Variants in SCUBE1 observed in about 807,000 individuals in gnomAD.
SCUBE1 encodes signal peptide, CUB domain and EGF like domain containing 1.
SCUBE1 carries 59 observed loss-of-function variants against 124.4 expected under a neutral mutation model. The observed-to-expected ratio is 0.47, with a 90% CI of 0.38 to 0.59. SCUBE1 has a LOEUF of 0.59. Among genes scored for constraint, SCUBE1 ranks in the 20% least tolerant of loss-of-function variants. The probability of loss-of-function intolerance (pLI) is 0.00; values close to 1 mark genes in which losing one functional copy is unlikely to be tolerated. For missense variants in SCUBE1, 1,150 were observed against 1,371.2 expected (o/e 0.84, Z 2.55); for synonymous variants, 545 against 550.9 (o/e 0.99, Z 0.15).
Position 43,339,208 on chromosome 22 carries a change from T to A in SCUBE1, c.116A>T (p.Glu39Val). 1 of 1,613,718 alleles carries A rather than the reference T, an allele frequency of 6.2e-7. No homozygotes were observed. Among genetic ancestry groups the A allele is most frequent in the Non-Finnish European group, 8.5e-7 (1 of 1,179,736 alleles). Residue 39 changes from glutamate to valine, a missense_variant, in exon 2 of 22, where the codon GAG becomes GTG. Transcript: ENST00000360835. ...ATCGATGTGGCAGTCATCTGTGCCC[T>A]CTGAGCACTCATCCACGTCGACTGA... Reference protein sequence around the residue: ...PGSVDVDECSEGTDDCHIDAI... With the variant: ...PGSVDVDECSVGTDDCHIDAI...
At chr22:43,292,895 C>T (rs1044955329) in intron 3 of SCUBE1, among the ~76,000 whole-genome samples, 2 of 152,230 alleles carry the variant, frequency 1.3e-5, no homozygotes, top group Non-Finnish European at 2.9e-5. Context: ...CTCTAAAAGC[C>T]GCCAGTGGTT....
intron 4 of SCUBE1, among the ~76,000 whole-genome samples, chr22:43,289,747 G>A (rs1262669529): frequency 6.6e-6 from 1 of 152,188 alleles, no homozygotes; most frequent in South Asian, 2.1e-4. Context: ...CATTTTGCAG[G>A]CGAGGAATCT....
intron 10 of SCUBE1, 92 bp downstream of exon 10, chr22:43,227,282 G>T: frequency 2.1e-6 from 3 of 1,432,010 alleles, no homozygotes; most frequent in Non-Finnish European, 2.8e-6. Context: ...GGGAGGGGCT[G>T]TCCTGCTCAC....
At chr22:43,256,684 G>A (rs571449446) in intron 6 of SCUBE1, among the ~76,000 whole-genome samples, 15 of 152,370 alleles carry the variant, frequency 9.8e-5, no homozygotes, top group Non-Finnish European at 1.8e-4. Flanking sequence ...GGCTGGGTGC[G>A]TCTGGCCTGG....
intron 1 of SCUBE1, among the ~76,000 whole-genome samples, chr22:43,340,107 G>C (rs1364979112): frequency 6.6e-6 from 1 of 151,548 alleles, no homozygotes; most frequent in East Asian, 2.0e-4. Flanking sequence ...GCTCCTGCAG[G>C]TCACCTGAAC....
At chr22:43,307,342 C>T (rs533103949) in intron 3 of SCUBE1, among the ~76,000 whole-genome samples, 9 of 152,314 alleles carry the variant, frequency 5.9e-5, no homozygotes, top group South Asian at 2.1e-4. Context: ...TGGGGAAGGG[C>T]GCTCAGTGCA....
rs1458593876 is a variant in SCUBE1, at chr22:43,258,438, C to T, written c.611-103G>A. ...CCTTCAGGGTATGGGGAAACTGAGG[C>T]CTAAGGGCATCAGTGGGTAGGGTCA... On this transcript the variant is annotated intron_variant, in intron 5 of 21. Coordinates refer to ENST00000360835, the MANE Select transcript of SCUBE1 (RefSeq NM_173050.5). The surrounding 1 kb of genome is among the most constrained non-coding windows in gnomAD (Gnocchi z 5.0). The T allele has an allele frequency of 1.2e-6, 1 of 830,570 alleles. No homozygotes were observed. Among genetic ancestry groups the T allele is most frequent in the African/African-American group, 1.7e-5 (1 of 59,996 alleles). 51.5% of individuals were successfully genotyped at this position (830,570 alleles called of 1,614,324 possible).
At chr22:43,298,128 G>C (rs980667472) in intron 3 of SCUBE1, among the ~76,000 whole-genome samples, 4 of 152,274 alleles carry the variant, frequency 2.6e-5, no homozygotes, top group Admixed American at 2.6e-4. Context: ...AATTGCATTT[G>C]ATGAGTTAAG....
At position 43,285,284 on chromosome 22, in the gene SCUBE1, G is replaced by A. The variant is rs994193458; in HGVS notation, c.484+5762C>T. Among the ~76,000 whole-genome samples the A allele has an allele frequency of 5.3e-5, 8 of 152,250 alleles. No individual in the cohort carries two copies. The East Asian group carries it at 7.7e-4, about 15-fold the overall frequency. ...GGCGCTGTGAACTGAGTGCTGTCCC[G>A]ACGCTCCTCAGTGTCCACGCTGAAC... is the stretch of plus-strand genomic sequence containing the variant. On this transcript the variant is annotated intron_variant, in intron 4 of 21. Coordinates refer to ENST00000360835, the MANE Select transcript of SCUBE1 (RefSeq NM_173050.5).
Position 43,229,108 on chromosome 22 carries a change from G to C in SCUBE1, c.1048C>G (p.Arg350Gly), listed in dbSNP as rs139039713. 5.6e-6 allele frequency: 9 copies of C among 1,613,688 alleles called. No individual in the cohort carries two copies. In the African/African-American group the frequency reaches 1.1e-4, roughly 19 times the overall value. ...SPGSFQCLCH[R>G]GYILYGTTHC... is the part of the protein sequence containing the mutation. Reference sequence around the variant, plus strand: ...GTTGTCCCGTAGAGGATGTAGCCGCGGTGACACAGGCACTGGAAGCTGCCC... The same window carrying C: ...GTTGTCCCGTAGAGGATGTAGCCGCCGTGACACAGGCACTGGAAGCTGCCC... The change falls in exon 9 of 22, where the codon CGC (arginine) becomes GGC (glycine). Residue 350 changes from arginine (R) to glycine (G), a missense_variant. Transcript: ENST00000360835.
chr22:43,214,046 C>CCCCGG, intron 16 of SCUBE1, 44 bp downstream of exon 16: 1 of 422,702 alleles, frequency 2.4e-6, no homozygotes. Flanking sequence ...GAGGAGCCCC[C>CCCCGG]GCCCACCCCC....
chr22:43,248,112 C>A (rs986702100), intron 6 of SCUBE1, among the ~76,000 whole-genome samples: 5 of 152,182 alleles, frequency 3.3e-5, no homozygotes, highest in Non-Finnish European at 5.9e-5. Context: ...GAGGCTGGGC[C>A]AGAATCTAGG....
At chr22:43,248,839 T>A (rs1400892779) in intron 6 of SCUBE1, among the ~76,000 whole-genome samples, 2 of 152,118 alleles carry the variant, frequency 1.3e-5, no homozygotes, top group Non-Finnish European at 2.9e-5. Flanking sequence ...CTGAGCTGGA[T>A]ACCTGCCTGC....
chr22:43,243,643 G>A (rs568355861), intron 6 of SCUBE1, among the ~76,000 whole-genome samples: 101 of 152,374 alleles, frequency 6.6e-4, no homozygotes, highest in African/African-American at 2.4e-3. Context: ...GTCACCGTGT[G>A]GTGGACATTA....
At chr22:43,336,587 G>A (rs1420475419) in intron 2 of SCUBE1, among the ~76,000 whole-genome samples, 2 of 152,176 alleles carry the variant, frequency 1.3e-5, no homozygotes, top group Non-Finnish European at 2.9e-5. Flanking sequence ...TCGGTATGGT[G>A]GCCCTTACAG....
chr22:43,265,481 TC>T (rs1205490624), intron 4 of SCUBE1, among the ~76,000 whole-genome samples: 1 of 152,190 alleles, frequency 6.6e-6, no homozygotes, highest in Non-Finnish European at 1.5e-5. Context: ...GCCCTTCGTC[TC>T]CCACCTAAAG....
intron 4 of SCUBE1, among the ~76,000 whole-genome samples, chr22:43,272,805 T>C (rs776660751): frequency 5.9e-5 from 9 of 152,204 alleles, no homozygotes; most frequent in Non-Finnish European, 1.3e-4. Context: ...TCTGGAAAGC[T>C]AGAACTGGAA....
intron 8 of SCUBE1, among the ~76,000 whole-genome samples, chr22:43,229,854 T>G (rs1017074204): frequency 3.5e-4 from 54 of 152,254 alleles, no homozygotes; most frequent in African/African-American, 1.3e-3. Flanking sequence ...TGGAGACAAG[T>G]CTGTCCTGGC....
At chr22:43,239,062 A>G in intron 6 of SCUBE1, 108 bp from the exon 7 acceptor site, 1 of 844,308 alleles carries the variant, frequency 1.2e-6, no homozygotes, top group Admixed American at 2.0e-5. Context: ...CCCGGGTTCA[A>G]GCTCTGGCTC....
Sources: gnomAD v4.1 joint callset for allele counts (sites outside exome capture counted in the v4.1 genomes callset) on GRCh38, gnomAD v4.1.1 for gene constraint, Gnocchi (gnomAD v3.1) non-coding constraint, MANE v1.5 for transcripts, NCBI Gene and HGNC (gene_info 2026-07-23, HGNC 2026-07-21) for gene names.